Variants in SLMAP observed in about 807,000 individuals in gnomAD.
SLMAP encodes the protein sarcolemma associated protein, also known as sarcolemmal membrane-associated protein.
In SLMAP, 44 loss-of-function variants were observed where a neutral mutation model predicts 128.8. That is an observed-to-expected ratio of 0.34 (90% CI 0.27 to 0.44). SLMAP has a LOEUF of 0.44. SLMAP is among the 20% of genes least tolerant of loss of function. SLMAP has a pLI of 1.00. For synonymous variants in SLMAP, 327 were observed against 348.8 expected (o/e 0.94, Z 0.70); for missense variants, 787 against 985.3 (o/e 0.80, Z 2.69).
rs1397721927 is a variant in SLMAP at position 57,896,720 on chromosome 3, C to T, written c.1441+129C>T. The T allele has an allele frequency of 2.4e-6, 3 of 1,262,080 alleles. No homozygotes were observed. The East Asian group carries it at 7.3e-5, about 31-fold the overall frequency. The allele number at this position is 1,262,080 out of a possible 1,614,324, so 78.2% of individuals were successfully genotyped here. A position where few individuals can be genotyped will look rare whatever the true frequency, so the allele number is the denominator to read the frequency against. On this transcript the variant is annotated intron_variant, in intron 16 of 24. Coordinates refer to ENST00000671191, the MANE Select transcript of SLMAP (RefSeq NM_001377540.1). ...AAAACGCTTCCATTTATCAAGTCAT[C>T]CCCTTTGAATGCTGGATATTTTGTT...
intron 2 of SLMAP, among the ~76,000 whole-genome samples, chr3:57,827,481 A>G (rs1419818448): frequency 6.6e-6 from 1 of 152,250 alleles, no homozygotes; most frequent in Admixed American, 6.5e-5. Context: ...TAAACCTTTC[A>G]ATTCAAGGAT....
At chr3:57,895,802 G>A (rs1327731327) in intron 15 of SLMAP, among the ~76,000 whole-genome samples, 1 of 151,868 alleles carries the variant, frequency 6.6e-6, no homozygotes, top group African/African-American at 2.4e-5. Flanking sequence ...AAGATATCTG[G>A]GTATAGTGGC....
intron 13 of SLMAP, among the ~76,000 whole-genome samples, chr3:57,871,038 T>G (rs2095469133): frequency 6.6e-6 from 1 of 152,218 alleles, no homozygotes; most frequent in South Asian, 2.1e-4. Flanking sequence ...ACCAAGCTCT[T>G]ACTTTGAAAT....
chr3:57,907,110 G>A (rs1297973447), intron 17 of SLMAP, among the ~76,000 whole-genome samples: 1 of 151,776 alleles, frequency 6.6e-6, no homozygotes, highest in Non-Finnish European at 1.5e-5. Context: ...TCACTGCAAC[G>A]TCTGCCTCTT....
At chr3:57,801,002 C>T (rs1318863580) in intron 2 of SLMAP, 4 of 278,074 alleles carry the variant, frequency 1.4e-5, no homozygotes, top group South Asian at 4.6e-5. Flanking sequence ...ACAACCTCCT[C>T]TTTGTCCTGT....
chr3:57,881,068 C>T (rs189204373), intron 14 of SLMAP, among the ~76,000 whole-genome samples: 3 of 152,094 alleles, frequency 2.0e-5, no homozygotes, highest in Non-Finnish European at 4.4e-5. Flanking sequence ...GTGGCGCGCG[C>T]CTGTAATCCC....
intron 17 of SLMAP, among the ~76,000 whole-genome samples, chr3:57,906,793 A>T (rs1469932345): frequency 6.6e-6 from 1 of 151,418 alleles, no homozygotes; most frequent in Admixed American, 6.6e-5. Context: ...CTTATAAACC[A>T]AGGTGATACT....
At chr3:57,876,861 C>T (rs868649304) in intron 14 of SLMAP, among the ~76,000 whole-genome samples, 10 of 152,168 alleles carry the variant, frequency 6.6e-5, no homozygotes, top group Admixed American at 2.6e-4. Flanking sequence ...CTGCTGCCTG[C>T]CCCTTTGATT....
At chr3:57,814,726 G>C (rs549643990) in intron 2 of SLMAP, among the ~76,000 whole-genome samples, 82 of 152,026 alleles carry the variant, frequency 5.4e-4, no homozygotes, top group Non-Finnish European at 5.7e-4. Flanking sequence ...GTATTCCCAG[G>C]ACTTTGGGAG....
At chr3:57,882,648 C>T (rs1208634905) in intron 14 of SLMAP, among the ~76,000 whole-genome samples, 2 of 152,296 alleles carry the variant, frequency 1.3e-5, no homozygotes, top group Middle Eastern at 3.4e-3. Flanking sequence ...GCTGTGTTCT[C>T]ATAAAACTTT....
intron 22 of SLMAP, chr3:57,917,330 A>G: frequency 1.2e-6 from 1 of 807,554 alleles, no homozygotes; most frequent in South Asian, 1.9e-5. Context: ...CCAGTTACTT[A>G]TATGAGAAAT....
intron 8 of SLMAP, among the ~76,000 whole-genome samples, 157 bp from the exon 9 acceptor site, chr3:57,860,542 G>T (rs1358857118): frequency 6.6e-6 from 1 of 152,066 alleles, no homozygotes; most frequent in African/African-American, 2.4e-5. Context: ...TATGCAACTT[G>T]TAAATACATC....
chr3:57,818,225 G>A (rs2092114122), intron 2 of SLMAP, among the ~76,000 whole-genome samples: 1 of 152,064 alleles, frequency 6.6e-6, no homozygotes, highest in African/African-American at 2.4e-5. Flanking sequence ...GCGCAATCTT[G>A]GCTCACTGCA....
intron 9 of SLMAP, among the ~76,000 whole-genome samples, chr3:57,861,625 A>G (rs569409165): frequency 3.3e-5 from 5 of 152,292 alleles, no homozygotes; most frequent in Admixed American, 2.6e-4. Flanking sequence ...AAGGATTGAT[A>G]GGCTTAAAAT....
intron 2 of SLMAP, among the ~76,000 whole-genome samples, chr3:57,808,476 T>C (rs2090333343): frequency 1.3e-5 from 2 of 152,218 alleles, no homozygotes; most frequent in South Asian, 4.1e-4. Flanking sequence ...CTCATTGGTT[T>C]CAGAGAACTT....
intron 15 of SLMAP, among the ~76,000 whole-genome samples, chr3:57,893,464 A>T (rs930718792): frequency 3.7e-4 from 56 of 151,868 alleles, no homozygotes; most frequent in African/African-American, 1.3e-3. Context: ...AAAAACAGGC[A>T]ATCTCTGCCA....
intron 6 of SLMAP, among the ~76,000 whole-genome samples, chr3:57,851,841 A>G (rs1432833715): frequency 6.6e-6 from 1 of 152,004 alleles, no homozygotes; most frequent in African/African-American, 2.4e-5. Flanking sequence ...ACCTTGAGTG[A>G]GTCATTTTAT....
At chr3:57,868,117 T>C (rs1441959753) in intron 13 of SLMAP, among the ~76,000 whole-genome samples, 2 of 151,926 alleles carry the variant, frequency 1.3e-5, no homozygotes, top group African/African-American at 2.4e-5. Flanking sequence ...AAAAATTAGC[T>C]GGGCATAGTG....
chr3:57,861,864 C>T (rs1228495834), intron 9 of SLMAP, 85 bp from the exon 10 acceptor site: 1 of 1,198,098 alleles, frequency 8.3e-7, no homozygotes, highest in African/African-American at 1.6e-5. Flanking sequence ...TAGAATTATA[C>T]TTTTTATAAA....
Sources: allele counts gnomAD v4.1 joint callset (sites outside exome capture counted in the v4.1 genomes callset), GRCh38; gene constraint gnomAD v4.1.1; transcripts MANE v1.5; gene names NCBI Gene and HGNC (gene_info 2026-07-23, HGNC 2026-07-21).